PHACTR1: variants seen among roughly 807,000 people sequenced by gnomAD.
PHACTR1 encodes the protein phosphatase and actin regulator 1.
In PHACTR1, 16 loss-of-function variants were observed where a neutral mutation model predicts 69.2. The ratio of observed to expected loss-of-function variants is 0.23; its 90% CI spans 0.16 to 0.35. The LOEUF (loss-of-function observed/expected upper bound fraction) is 0.35, where lower values mean the gene tolerates loss of function less well. PHACTR1 is among the 10% of genes least tolerant of loss of function. The pLI is 1.00. For synonymous variants in PHACTR1, 312 were observed against 284.5 expected (o/e 1.10, Z -0.97); for missense variants, 510 against 734.7 (o/e 0.69, Z 3.54).
intron 8 of PHACTR1, among the ~76,000 whole-genome samples, chr6:13,211,611 C>T (rs1766858774): frequency 6.6e-6 from 1 of 152,224 alleles, no homozygotes; most frequent in South Asian, 2.1e-4. Flanking sequence ...CTTTCAGTCG[C>T]TCATGCCAAA....
chr6:12,785,937 C>T lies in PHACTR1; in HGVS notation c.250+36147C>T, dbSNP rs563383235. ...CTGACTTTCCTCAAGGGAATTCTTT[C>T]TTGAAAAGCCGACCTGTCAAATTTC... On this transcript the variant is annotated intron_variant, in intron 4 of 14. Transcript: ENST00000332995. 2.0e-5 allele frequency among the ~76,000 whole-genome samples: 3 copies of T among 152,258 alleles called. No homozygotes were observed. In the South Asian group the frequency reaches 6.2e-4, roughly 32 times the overall value.
At chr6:13,255,098 C>A (rs1241821843) in intron 10 of PHACTR1, among the ~76,000 whole-genome samples, 1 of 152,198 alleles carries the variant, frequency 6.6e-6, no homozygotes, top group Non-Finnish European at 1.5e-5. Flanking sequence ...GCTTCTGCTT[C>A]TGGGGAGGCC....
At chr6:13,131,287 G>A (rs549587091) in intron 5 of PHACTR1, among the ~76,000 whole-genome samples, 1 of 150,402 alleles carries the variant, frequency 6.6e-6, no homozygotes, top group African/African-American at 2.5e-5. Context: ...TGAAATAATG[G>A]CATTCACAAT....
chr6:13,276,743 G>C (rs549561207), intron 11 of PHACTR1, among the ~76,000 whole-genome samples: 1 of 152,140 alleles, frequency 6.6e-6, no homozygotes, highest in Admixed American at 6.5e-5. Context: ...CTGCACTCCA[G>C]CCTGGGCAAC....
intron 7 of PHACTR1, among the ~76,000 whole-genome samples, chr6:13,202,188 A>G (rs965717381): frequency 6.6e-6 from 1 of 152,160 alleles, no homozygotes; most frequent in South Asian, 2.1e-4. Flanking sequence ...CACTTGGCCA[A>G]TTTTCTAGTG....
chr6:13,208,788 GCTAA>G (rs1199658399), intron 8 of PHACTR1, among the ~76,000 whole-genome samples: 4 of 152,252 alleles, frequency 2.6e-5, no homozygotes, highest in Admixed American at 1.3e-4. Context: ...AATTAAAGAT[GCTAA>G]CTGACAAGTT....
At chr6:12,727,322 C>T (rs1349922269) in intron 3 of PHACTR1, among the ~76,000 whole-genome samples, 1 of 152,236 alleles carries the variant, frequency 6.6e-6, no homozygotes, top group African/African-American at 2.4e-5. Context: ...GAATCCAACC[C>T]TCCTGTTCTG....
At chr6:13,206,371 G>A (rs1765926790) in intron 8 of PHACTR1, among the ~76,000 whole-genome samples, 1 of 152,298 alleles carries the variant, frequency 6.6e-6, no homozygotes, top group South Asian at 2.1e-4. Flanking sequence ...TAACATTCAT[G>A]TATATATGTA....
At chr6:13,251,438 G>C (rs1430230742) in intron 10 of PHACTR1, among the ~76,000 whole-genome samples, 1 of 152,182 alleles carries the variant, frequency 6.6e-6, no homozygotes, top group East Asian at 1.9e-4. Context: ...CCTCCAGCTG[G>C]GGCATTTCAG....
intron 3 of PHACTR1, among the ~76,000 whole-genome samples, chr6:12,721,215 G>C (rs1762086157): frequency 6.6e-6 from 1 of 152,038 alleles, no homozygotes. Context: ...GTGAAACCCT[G>C]TCTCTACTAA....
intron 4 of PHACTR1, among the ~76,000 whole-genome samples, chr6:12,885,327 G>T (rs1048664730): frequency 4.6e-5 from 7 of 152,324 alleles, no homozygotes; most frequent in Non-Finnish European, 8.8e-5. Flanking sequence ...CACATCCCTT[G>T]CAGGCTGTCA....
At chr6:12,896,317 A>G (rs1255248320) in intron 4 of PHACTR1, among the ~76,000 whole-genome samples, 2 of 152,264 alleles carry the variant, frequency 1.3e-5, no homozygotes, top group African/African-American at 2.4e-5. Flanking sequence ...TGGGAACTGC[A>G]TACACGTGCT....
intron 4 of PHACTR1, among the ~76,000 whole-genome samples, chr6:13,034,023 C>CT (rs9331376): frequency 0.011 from 1,654 of 149,038 alleles, 29 homozygotes; most frequent in African/African-American, 0.035. Context: ...TTTCTTTTTT[C>CT]TTTTTTTTTT....
intron 5 of PHACTR1, among the ~76,000 whole-genome samples, chr6:13,082,896 C>T (rs1583279853): frequency 6.6e-6 from 1 of 152,178 alleles, no homozygotes; most frequent in East Asian, 1.9e-4. Context: ...CTGTAGGTTG[C>T]CTGTTCACTC....
chr6:13,286,115 T>C (rs1367609044), intron 13 of PHACTR1, 31 bp from the exon 14 acceptor site: 9 of 1,569,342 alleles, frequency 5.7e-6, no homozygotes, highest in East Asian at 2.3e-5. Flanking sequence ...CTCTCTCCCA[T>C]TGCACATTGA....
At chr6:13,230,612 C>T (rs1479327438) in intron 10 of PHACTR1, among the ~76,000 whole-genome samples, 1 of 149,876 alleles carries the variant, frequency 6.7e-6, no homozygotes, top group African/African-American at 2.5e-5. Flanking sequence ...AAGGTTGTTT[C>T]TATAGTGCCC....
chr6:12,921,614 A>G (rs1383740962), intron 4 of PHACTR1, among the ~76,000 whole-genome samples: 27 of 110,718 alleles, frequency 2.4e-4, no homozygotes, highest in African/African-American at 9.1e-4. Flanking sequence ...GGAAGGAAGG[A>G]AGAAAGGGAG....
At chr6:13,030,155 T>C (rs147940280) in intron 4 of PHACTR1, among the ~76,000 whole-genome samples, 5 of 152,358 alleles carry the variant, frequency 3.3e-5, no homozygotes, top group African/African-American at 9.6e-5. Context: ...CTGGCCTTTT[T>C]TCCTTCTTTA....
At chr6:12,765,924 C>T (rs1217617800) in intron 4 of PHACTR1, among the ~76,000 whole-genome samples, 1 of 152,176 alleles carries the variant, frequency 6.6e-6, no homozygotes, top group African/African-American at 2.4e-5. Flanking sequence ...CTAGATGTTA[C>T]TTCCCCTGCA....
Sources: allele counts gnomAD v4.1 joint callset (sites outside exome capture counted in the v4.1 genomes callset), GRCh38; gene constraint gnomAD v4.1.1; transcripts MANE v1.5; gene names NCBI Gene and HGNC (gene_info 2026-07-23, HGNC 2026-07-21).